Variants in IFT140 observed in about 807,000 individuals in gnomAD.
IFT140 encodes intraflagellar transport 140.
Under a neutral mutation model 164.6 loss-of-function variants are expected in IFT140, and 133 were observed. That is an observed-to-expected ratio of 0.81 (90% confidence interval 0.70 to 0.93). The LOEUF (loss-of-function observed/expected upper bound fraction) is 0.93, where lower values mean the gene tolerates loss of function less well. Among genes scored for constraint, IFT140 ranks in the 40% least tolerant of loss-of-function variants. The pLI, the probability that IFT140 is intolerant of heterozygous loss-of-function variation, is 0.00. For missense variants in IFT140, 2,045 were observed against 1,972.3 expected (o/e 1.04, Z -0.70); for synonymous variants, 860 against 817.3 (o/e 1.05, Z -0.89).
At chr16:1,598,506 T>C (rs1275803061) in intron 4 of IFT140, among the ~76,000 whole-genome samples, 1 of 152,078 alleles carries the variant, frequency 6.6e-6, no homozygotes, top group Non-Finnish European at 1.5e-5. Flanking sequence ...TATTCATCCT[T>C]GATAGCAAGA....
chr16:1,535,644 G>A (rs1051486692), intron 19 of IFT140, among the ~76,000 whole-genome samples: 2 of 152,176 alleles, frequency 1.3e-5, no homozygotes, highest in Non-Finnish European at 2.9e-5. Context: ...AACCCTCAGC[G>A]GGGAATGTCA....
At chr16:1,597,788 T>C (rs1403561285) in intron 4 of IFT140, among the ~76,000 whole-genome samples, 1 of 152,222 alleles carries the variant, frequency 6.6e-6, no homozygotes, top group Admixed American at 6.5e-5. Flanking sequence ...TAGCTGTTTC[T>C]ATCTTTCTTT....
chr16:1,565,724 C>G (rs1022847558), intron 16 of IFT140, among the ~76,000 whole-genome samples: 1 of 152,248 alleles, frequency 6.6e-6, no homozygotes, highest in Non-Finnish European at 1.5e-5. Flanking sequence ...ATCATCAGCA[C>G]TCAAAGTTCT....
At chr16:1,583,523 C>T (rs2034692983) in intron 11 of IFT140, 137 bp from the exon 12 acceptor site, 2 of 650,768 alleles carry the variant, frequency 3.1e-6, no homozygotes, top group Admixed American at 2.7e-5. Context: ...TATGAGATCA[C>T]TGGGTCCTCT....
chr16:1,535,810 G>C (rs2031008077), intron 19 of IFT140, among the ~76,000 whole-genome samples: 1 of 152,232 alleles, frequency 6.6e-6, no homozygotes, highest in Non-Finnish European at 1.5e-5. Flanking sequence ...TTCACCAGCA[G>C]GGACCAACAG....
intron 19 of IFT140, among the ~76,000 whole-genome samples, chr16:1,536,226 C>T (rs2031057811): frequency 6.6e-6 from 1 of 152,244 alleles, no homozygotes; most frequent in African/African-American, 2.4e-5. Context: ...TGGCGCCCCT[C>T]CCTGTTGCTA....
intron 19 of IFT140, among the ~76,000 whole-genome samples, chr16:1,539,223 C>G (rs989444149): frequency 1.1e-4 from 17 of 151,864 alleles, no homozygotes; most frequent in African/African-American, 3.6e-4. Flanking sequence ...AACGCCGACC[C>G]AAGCCTCAGG....
chr16:1,552,248 C>T (rs553011594), intron 19 of IFT140, among the ~76,000 whole-genome samples: 5 of 152,286 alleles, frequency 3.3e-5, no homozygotes, highest in African/African-American at 1.2e-4. Flanking sequence ...GGTATAACCT[C>T]CTCCCGCCCT....
intron 13 of IFT140, among the ~76,000 whole-genome samples, chr16:1,573,173 T>G (rs891514948): frequency 6.6e-6 from 1 of 152,176 alleles, no homozygotes; most frequent in Non-Finnish European, 1.5e-5. Flanking sequence ...TTCATTTTGA[T>G]GTATCCAGTG....
chr16:1,569,080 C>T (rs1235075279), intron 14 of IFT140, among the ~76,000 whole-genome samples: 4 of 151,142 alleles, frequency 2.6e-5, no homozygotes, highest in African/African-American at 7.3e-5. Context: ...TCTCGGCTCA[C>T]TGCAAGCTCC....
intron 30 of IFT140, among the ~76,000 whole-genome samples, chr16:1,517,109 G>A (rs145939058): frequency 8.5e-5 from 13 of 152,152 alleles, no homozygotes; most frequent in Admixed American, 3.3e-4. Context: ...GGTGGCTCAC[G>A]CCTGTAATCC....
chr16:1,518,903 G>C (rs1334571372), intron 29 of IFT140, among the ~76,000 whole-genome samples: 2 of 151,956 alleles, frequency 1.3e-5, no homozygotes, highest in Admixed American at 1.3e-4. Flanking sequence ...GCCGTGTGGA[G>C]CTCAGGCTCC....
At chr16:1,534,125 C>A (rs1398889868) in intron 19 of IFT140, 2 of 971,670 alleles carry the variant, frequency 2.1e-6, no homozygotes, top group Non-Finnish European at 3.0e-6. Context: ...GGCGGCACAC[C>A]TGGACCATCC....
In IFT140 at chr16:1,528,309, ACACACGCACGCATGCACGCACGTGTG is replaced by A. The variant is rs1407811139; in HGVS notation, c.2400-1539_2400-1514del. 3.1e-4 allele frequency among the ~76,000 whole-genome samples: 42 copies of A among 134,232 alleles called. 1 individual carries two copies. In the South Asian group the frequency reaches 6.2e-3, roughly 20 times the overall value. The allele number at this position is 134,232 out of a possible 152,430, so 88.1% of individuals were successfully genotyped here. On this transcript the variant is annotated intron_variant, in intron 19 of 30. Transcript: ENST00000426508. ...CCTACAAGCCCCACCAAAGCCACAC[ACACACGCACGCATGCACGCACGTGTG>A]CACACACACGCATGCACGCACGTGT... is the stretch of plus-strand genomic sequence containing the variant.
chr16:1,515,339 GAC>G (rs2040306594), intron 30 of IFT140, among the ~76,000 whole-genome samples: 1 of 152,152 alleles, frequency 6.6e-6, no homozygotes, highest in Non-Finnish European at 1.5e-5. Context: ...GCCCATAGCT[GAC>G]TCTTCCAGAA....
At chr16:1,575,638 C>T (rs914146628) in intron 13 of IFT140, among the ~76,000 whole-genome samples, 1 of 152,220 alleles carries the variant, frequency 6.6e-6, no homozygotes, top group African/African-American at 2.4e-5. Context: ...CCAAGCTCTA[C>T]AAGTAGGACT....
At chr16:1,561,118 G>A (rs955684953) in intron 18 of IFT140, among the ~76,000 whole-genome samples, 2 of 152,226 alleles carry the variant, frequency 1.3e-5, no homozygotes, top group African/African-American at 2.4e-5. Context: ...ATCCCCACAC[G>A]TGACTCGGGA....
intron 13 of IFT140, 176 bp downstream of exon 13, chr16:1,580,582 TA>T: frequency 1.9e-6 from 1 of 532,812 alleles, no homozygotes; most frequent in Non-Finnish European, 3.4e-6. Context: ...AAGCCTGCAG[TA>T]ATGTGAGTCA....
chr16:1,524,646 A>T lies in IFT140; in HGVS notation c.3047T>A (p.Leu1016His), dbSNP rs758909742. The T allele has an allele frequency of 3.2e-6, 5 of 1,586,938 alleles. No homozygotes were observed. The highest frequency in any genetic ancestry group is 4.3e-6 in the Non-Finnish European group (5 of 1,163,294). The change falls in exon 24 of 31, where the codon CTC (leucine) becomes CAC (histidine). Residue 1016 changes from leucine to histidine, a missense_variant. Coordinates refer to ENST00000426508, the MANE Select transcript of IFT140 (RefSeq NM_014714.4). The stretch of plus-strand genomic sequence containing the variant: ...CTCCTGGCTCTCGTACTGGCGGGCG[A>T]GGTGGTAGGAGGCCGCCAGGTTTCC... ...ETGNLAASYH[L>H]ARQYESQEEV...
Sources: gnomAD v4.1 joint callset for allele counts (sites outside exome capture counted in the v4.1 genomes callset) on GRCh38, gnomAD v4.1.1 for gene constraint, MANE v1.5 for transcripts, NCBI Gene and HGNC (gene_info 2026-07-23, HGNC 2026-07-21) for gene names.